NEK1: variants seen among roughly 807,000 people sequenced by gnomAD.
NEK1 encodes the protein NIMA related kinase 1.
In NEK1, 137 loss-of-function variants were observed where a neutral mutation model predicts 182.1. The ratio of observed to expected loss-of-function variants is 0.75; its 90% CI spans 0.65 to 0.87. The LOEUF (loss-of-function observed/expected upper bound fraction) is 0.87, where lower values mean the gene tolerates loss of function less well. Among genes scored for constraint, NEK1 ranks in the 40% least tolerant of loss-of-function variants. The pLI is 0.00. For missense variants in NEK1, 1,391 were observed against 1,494.4 expected (o/e 0.93, Z 1.14); for synonymous variants, 513 against 492.2 (o/e 1.04, Z -0.56).
chr4:169,505,415 C>T (rs796330519), intron 23 of NEK1, among the ~76,000 whole-genome samples: 5 of 152,246 alleles, frequency 3.3e-5, no homozygotes, highest in African/African-American at 1.2e-4. Flanking sequence ...TATATTTTCT[C>T]TTCCTTATGA....
Position 169,555,795 on chromosome 4 carries a change from T to C in NEK1, c.1487A>G (p.His496Arg), listed in dbSNP as rs766500626. The change falls in exon 18 of 36, where the codon CAT becomes CGT. Residue 496 changes from histidine to arginine, a missense_variant. Physicochemically the swap from His to Arg is conservative, Grantham distance 29. Transcript: ENST00000507142. ...GFPYGAAGHHHFPDADDIRKT... is the reference protein window; with the variant it reads ...GFPYGAAGHHRFPDADDIRKT... ...TCTAATATCATCAGCATCAGGAAAA[T>C]GGTGATGACCTGCAGCCCCATAAGG... The C allele has an allele frequency of 3.1e-6, 5 of 1,613,816 alleles. No homozygotes were observed. In the East Asian group the frequency reaches 8.9e-5, roughly 29 times the overall value.
rs567459773 is a variant in NEK1, at chr4:169,535,891, A to G, written c.1665+1918T>C. Reference sequence around the variant, plus strand: ...GTTAAACTCCGTGTCAAAAAAAAAAAAAAAAGAAAAGAAAAAGAAATAATG... The same window carrying G: ...GTTAAACTCCGTGTCAAAAAAAAAAGAAAAAGAAAAGAAAAAGAAATAATG... On this transcript the variant is annotated intron_variant, in intron 19 of 35. Transcript: ENST00000507142. Among the ~76,000 whole-genome samples, 39 of 151,786 alleles carry G rather than the reference A, an allele frequency of 2.6e-4. No homozygotes were observed. The South Asian group carries it at 7.7e-3, about 30-fold the overall frequency.
At chr4:169,500,793 T>C (rs1007812199) in intron 23 of NEK1, among the ~76,000 whole-genome samples, 8 of 152,182 alleles carry the variant, frequency 5.3e-5, no homozygotes, top group African/African-American at 1.9e-4. Context: ...AGAATGATAC[T>C]TGCTGCCACA....
In NEK1 at chr4:169,515,951, C is replaced by T. The variant is rs1337428701; in HGVS notation, c.1666-7099G>A. 8.9e-3 allele frequency among the ~76,000 whole-genome samples: 7 copies of T among 784 alleles called. 1 individual carries two copies. Among genetic ancestry groups the T allele is most frequent in the Non-Finnish European group, 0.021 (7 of 332 alleles). 0.5% of individuals were successfully genotyped at this position (784 alleles called of 152,430 possible). ...AAGTCTTTGCTATTGTGAATAGTGC[C>T]GCAATAAACATACGTGTGCATGTGT... is the stretch of plus-strand genomic sequence containing the variant. On this transcript the variant is annotated intron_variant, in intron 19 of 35. Coordinates refer to ENST00000507142, the MANE Select transcript of NEK1 (RefSeq NM_001199397.3).
At position 169,426,135 on chromosome 4, in the gene NEK1, A is replaced by G. The variant is rs886059229; in HGVS notation, c.2974+11T>C. 2.5e-6 allele frequency: 4 copies of G among 1,601,770 alleles called. No homozygotes were observed. Among genetic ancestry groups the G allele is most frequent in the East Asian group, 2.2e-5 (1 of 44,790 alleles). On this transcript the variant is annotated intron_variant, in intron 30 of 35. Coordinates refer to ENST00000507142, the MANE Select transcript of NEK1 (RefSeq NM_001199397.3). ...TCCAGAAAGTAATTAGACTAATGCAATGATGCTTACCTATATGAATGTCAC... is the reference window on the plus strand; with the variant it reads ...TCCAGAAAGTAATTAGACTAATGCAGTGATGCTTACCTATATGAATGTCAC...
chr4:169,497,382 G>A (rs1751534183), intron 23 of NEK1, among the ~76,000 whole-genome samples: 1 of 151,972 alleles, frequency 6.6e-6, no homozygotes, highest in Admixed American at 6.6e-5. Flanking sequence ...TTTTTTGGAG[G>A]GTTTTTTGTG....
At position 169,396,347 on chromosome 4, in the gene NEK1, C is replaced by A. The variant is rs1269963379; in HGVS notation, c.3848-1824G>T. 9.1e-5 allele frequency among the ~76,000 whole-genome samples: 9 copies of A among 98,878 alleles called. No individual in the cohort carries two copies. The East Asian group carries it at 3.2e-3, about 36-fold the overall frequency. The allele number at this position is 98,878 out of a possible 152,430, so 64.9% of individuals were successfully genotyped here. A position where few individuals can be genotyped will look rare whatever the true frequency, so the allele number is the denominator to read the frequency against. On this transcript the variant is annotated intron_variant, in intron 35 of 35. Coordinates refer to ENST00000507142, the MANE Select transcript of NEK1 (RefSeq NM_001199397.3). ...TGTCACTGTACTCCAGCCTGGGCGACAGAGCAAGACTCCATCTCAAAAAAA... is the reference window on the plus strand; with the variant it reads ...TGTCACTGTACTCCAGCCTGGGCGAAAGAGCAAGACTCCATCTCAAAAAAA...
chr4:169,403,086 T>C (rs1425877756), intron 32 of NEK1, among the ~76,000 whole-genome samples: 1 of 152,222 alleles, frequency 6.6e-6, no homozygotes, highest in Non-Finnish European at 1.5e-5. Context: ...ACTGTCAATA[T>C]AATTTCCATT....
intron 18 of NEK1, among the ~76,000 whole-genome samples, chr4:169,551,220 T>C (rs1329154649): frequency 1.3e-5 from 2 of 152,238 alleles, no homozygotes; most frequent in African/African-American, 2.4e-5. Context: ...TAAGAAGTTA[T>C]TAATACTGGC....
chr4:169,502,741 A>C (rs1237167972), intron 23 of NEK1, among the ~76,000 whole-genome samples: 1 of 152,188 alleles, frequency 6.6e-6, no homozygotes. Context: ...CAAAATATTA[A>C]GAACCACCTA....
Position 169,401,877 on chromosome 4 carries a change from A to G in NEK1, c.3375-17T>C, listed in dbSNP as rs1459505181. 1.3e-6 allele frequency: 2 copies of G among 1,588,282 alleles called. No homozygotes were observed. The highest frequency in any genetic ancestry group is 1.7e-4 in the Middle Eastern group (1 of 5,970). ...TCAAACACACTGAAATTTAAAAAGT[A>G]TAACTAAAAGTTTCAAACATACTGA... On this transcript the variant is annotated splice_polypyrimidine_tract_variant and intron_variant, in intron 32 of 35. Coordinates refer to ENST00000507142, the MANE Select transcript of NEK1 (RefSeq NM_001199397.3).
intron 16 of NEK1, among the ~76,000 whole-genome samples, chr4:169,557,768 G>A (rs900483244): frequency 2.0e-5 from 3 of 151,784 alleles, no homozygotes; most frequent in African/African-American, 7.3e-5. Context: ...CAACATCCCT[G>A]CAAATACAAA....
chr4:169,466,620 T>C (rs915904153), intron 26 of NEK1, among the ~76,000 whole-genome samples: 2 of 152,054 alleles, frequency 1.3e-5, no homozygotes, highest in African/African-American at 4.8e-5. Flanking sequence ...TTACAAACAT[T>C]TGTATGTCTT....
intron 5 of NEK1, among the ~76,000 whole-genome samples, chr4:169,591,154 C>CA (rs1491254484): frequency 6.7e-6 from 1 of 149,490 alleles, no homozygotes; most frequent in Admixed American, 6.6e-5. Flanking sequence ...GCCCCCCCCC[C>CA]ACTTCTTTAG....
intron 5 of NEK1, among the ~76,000 whole-genome samples, chr4:169,595,301 A>AT (rs936686928): frequency 3.9e-5 from 6 of 152,278 alleles, no homozygotes; most frequent in Admixed American, 3.9e-4. Context: ...GATTGGTATT[A>AT]TTTTTAATGT....
intron 2 of NEK1, 29 bp from the exon 3 acceptor site, chr4:169,602,707 A>G (rs1435388136): frequency 2.6e-6 from 2 of 775,832 alleles, no homozygotes; most frequent in African/African-American, 1.7e-5. Flanking sequence ...CATTTATAAC[A>G]TGAGATAAAA....
At chr4:169,547,189 C>A (rs1267500884) in intron 18 of NEK1, among the ~76,000 whole-genome samples, 2 of 152,188 alleles carry the variant, frequency 1.3e-5, no homozygotes, top group Non-Finnish European at 2.9e-5. Context: ...GATCTCCCAG[C>A]ATTTTCTTTT....
Position 169,507,200 on chromosome 4 carries a change from TGG to T in NEK1, c.1912-70_1912-69del, listed in dbSNP as rs370525243. On this transcript the variant is annotated intron_variant, in intron 22 of 35. Coordinates refer to ENST00000507142, the MANE Select transcript of NEK1 (RefSeq NM_001199397.3). ...GGGCAGAGGTTTTTTTTTTTTTTTT[TGG>T]GCCAGGTCTATGAAGATATTTACTT... is the stretch of plus-strand genomic sequence containing the variant. 13,318 of 653,890 alleles carry T rather than the reference TGG, an allele frequency of 0.02. 406 individuals carry two copies. The highest frequency in any genetic ancestry group is 0.11 in the African/African-American group (5,330 of 48,644). 40.5% of individuals were successfully genotyped at this position (653,890 alleles called of 1,614,324 possible).
intron 26 of NEK1, among the ~76,000 whole-genome samples, chr4:169,476,746 C>T (rs1747021846): frequency 6.6e-6 from 1 of 152,184 alleles, no homozygotes; most frequent in East Asian, 1.9e-4. Context: ...TCAATACTCT[C>T]GCTAAATGCC....
Sources: gnomAD v4.1 joint callset for allele counts (sites outside exome capture counted in the v4.1 genomes callset) on GRCh38, gnomAD v4.1.1 for gene constraint, MANE v1.5 for transcripts, NCBI Gene and HGNC (gene_info 2026-07-23, HGNC 2026-07-21) for gene names.